Variants in WNK3 observed in about 807,000 individuals in gnomAD.
The protein encoded by WNK3 is WNK lysine deficient protein kinase 3.
WNK3 carries 18 observed loss-of-function variants against 116.7 expected under a neutral mutation model. That is an observed-to-expected ratio of 0.15 (90% CI 0.11 to 0.23). The LOEUF is 0.23. Among genes scored for constraint, WNK3 ranks in the 10% least tolerant of loss-of-function variants. The probability of loss-of-function intolerance (pLI) is 1.00; values close to 1 mark genes in which losing one functional copy is unlikely to be tolerated. For synonymous variants in WNK3, 404 were observed against 469.4 expected, an observed-to-expected ratio of 0.86 and a Z score of 1.80; for missense variants, 993 against 1,323.8, an observed-to-expected ratio of 0.75 and a Z score of 3.88.
chrX:54,221,708 G>A (rs1603375322), intron 22 of WNK3, among the ~76,000 whole-genome samples: 1 of 110,209 alleles, frequency 9.1e-6, no homozygotes, highest in African/African-American at 3.3e-5. Context: ...GGTGACGCAC[G>A]CCTGTAATCC....
chrX:54,283,801 T>TTGG (rs1470320227), intron 10 of WNK3, among the ~76,000 whole-genome samples: 16 of 102,730 alleles, frequency 1.6e-4, no homozygotes, highest in African/African-American at 5.7e-4. Flanking sequence ...ATAACAAGTG[T>TTGG]TGGTAGAGAT....
intron 10 of WNK3, among the ~76,000 whole-genome samples, chrX:54,269,157 T>C (rs189543769): frequency 1.1e-4 from 12 of 110,241 alleles, no homozygotes; most frequent in African/African-American, 3.9e-4. Context: ...CTGAGAGACA[T>C]TCTATAAAAA....
intron 22 of WNK3, among the ~76,000 whole-genome samples, chrX:54,211,997 C>G (rs1462186473): frequency 9.0e-6 from 1 of 111,185 alleles, no homozygotes; most frequent in African/African-American, 3.3e-5. Context: ...GAGGTTGAGG[C>G]GGGCGGATCA....
exon 17 of WNK3, chrX:54,249,532 T>C (rs782662006): frequency 1.7e-6 from 2 of 1,211,782 alleles, no homozygotes; most frequent in Middle Eastern, 2.3e-4. Context: ...AACCACATCC[T>C]TGTGTTCTGA....
At chrX:54,261,325 G>C (rs975606061) in intron 10 of WNK3, among the ~76,000 whole-genome samples, 7 of 110,840 alleles carry the variant, frequency 6.3e-5, no homozygotes, top group Admixed American at 9.6e-5. Flanking sequence ...AGAACCCTTG[G>C]ATATGGAGGG....
intron 17 of WNK3, 104 bp from the exon 18 acceptor site, chrX:54,239,203 T>TAAA: frequency 6.2e-5 from 21 of 337,678 alleles, no homozygotes; most frequent in South Asian, 3.9e-4. Flanking sequence ...GTGAAGCTTT[T>TAAA]AAAAAAAAAA....
intron 22 of WNK3, among the ~76,000 whole-genome samples, chrX:54,221,851 C>A (rs182042714): frequency 4.4e-4 from 48 of 108,224 alleles, no homozygotes; most frequent in South Asian, 3.2e-3. Flanking sequence ...AACCAACCAA[C>A]CAAACAAACA....
At chrX:54,212,500 G>A (rs1397237204) in intron 22 of WNK3, among the ~76,000 whole-genome samples, 2 of 112,496 alleles carry the variant, frequency 1.8e-5, no homozygotes, top group Non-Finnish European at 1.9e-5. Context: ...AATGTATGAA[G>A]CAACCTCATA....
chrX:54,266,666 T>C (rs2068314374), intron 10 of WNK3, among the ~76,000 whole-genome samples: 1 of 110,318 alleles, frequency 9.1e-6, no homozygotes, highest in Admixed American at 9.7e-5. Context: ...GCCTCCTGAG[T>C]CGCTGAGACT....
chrX:54,352,872 T>A (rs1378383859), intron 1 of WNK3, among the ~76,000 whole-genome samples: 3 of 111,800 alleles, frequency 2.7e-5, no homozygotes, highest in African/African-American at 9.8e-5. Context: ...GGTATATCCA[T>A]ACAAAGGAAT....
chrX:54,358,845 G>C (rs1163084214), upstream of WNK3, among the ~76,000 whole-genome samples: 2 of 112,982 alleles, frequency 1.8e-5, no homozygotes, highest in African/African-American at 6.4e-5. Flanking sequence ...GTTTTACTTA[G>C]GCCTCTGACC....
chrX:54,284,504 A>G (rs1240246163), intron 10 of WNK3, among the ~76,000 whole-genome samples: 3 of 111,511 alleles, frequency 2.7e-5, no homozygotes, highest in Non-Finnish European at 5.6e-5. Flanking sequence ...ATTTCTAGGT[A>G]TAATTCAAGA....
chrX:54,279,008 C>T (rs1305920765), intron 10 of WNK3, among the ~76,000 whole-genome samples: 1 of 111,174 alleles, frequency 9.0e-6, no homozygotes, highest in Non-Finnish European at 1.9e-5. Flanking sequence ...GCGGAGGTTG[C>T]AGTGAGCCAA....
intron 22 of WNK3, among the ~76,000 whole-genome samples, chrX:54,218,880 T>C (rs1344309426): frequency 9.0e-6 from 1 of 111,583 alleles, no homozygotes; most frequent in Non-Finnish European, 1.9e-5. Flanking sequence ...TGAGACTCTG[T>C]CTCATAAATA....
chrX:54,309,109 G>A (rs1557169229), exon 4 of WNK3: 1 of 1,208,651 alleles, frequency 8.3e-7, no homozygotes, highest in South Asian at 1.8e-5. Context: ...GACACTCTTA[G>A]CAAATGAGGT....
chrX:54,247,345 A>T (rs2068083551), intron 17 of WNK3, among the ~76,000 whole-genome samples: 1 of 111,283 alleles, frequency 9.0e-6, no homozygotes, highest in South Asian at 3.7e-4. Context: ...AAAATTTTTA[A>T]ATCTTTAAAT....
exon 24 of WNK3, chrX:54,193,282 CAGACCTTG>C (rs2067415837): frequency 9.0e-6 from 1 of 111,476 alleles, no homozygotes; most frequent in Non-Finnish European, 1.9e-5. Context: ...TTGAGCATGA[CAGACCTTG>C]AACAACTGCA....
At chrX:54,262,186 T>C (rs925143170) in intron 10 of WNK3, among the ~76,000 whole-genome samples, 2 of 112,058 alleles carry the variant, frequency 1.8e-5, no homozygotes, top group Non-Finnish European at 3.8e-5. Context: ...GTATAAATGG[T>C]TGTAATTATA....
exon 18 of WNK3, chrX:54,238,925 A>C: frequency 8.3e-7 from 1 of 1,208,349 alleles, no homozygotes; most frequent in Non-Finnish European, 1.1e-6. Flanking sequence ...CTGTATGCCC[A>C]GCTTTTTAAT....
Sources: gnomAD v4.1 joint callset for allele counts (sites outside exome capture counted in the v4.1 genomes callset) on GRCh38, gnomAD v4.1.1 for gene constraint, MANE v1.5 for transcripts, NCBI Gene and HGNC (gene_info 2026-07-23, HGNC 2026-07-21) for gene names.